Variants in KDM5D observed in about 807,000 individuals in gnomAD.
KDM5D encodes the protein lysine-specific demethylase 5D.
In KDM5D, 25 loss-of-function variants were observed where a neutral mutation model predicts 31.9. The observed-to-expected ratio is 0.78, with a 90% confidence interval of 0.57 to 1.09. The LOEUF (loss-of-function observed/expected upper bound fraction) is 1.09. Among genes scored for constraint, KDM5D ranks in the 50% least tolerant of loss-of-function variants. KDM5D has a pLI of 0.00. For missense variants in KDM5D, 366 were observed against 341.6 expected (o/e 1.07, Z -0.56); for synonymous variants, 146 against 122.3 (o/e 1.19, Z -1.28).
chrY:19,726,306 A>G, intron 11 of KDM5D, among the ~76,000 whole-genome samples: 1 of 34,009 alleles, frequency 2.9e-5, no homozygotes, highest in South Asian at 6.6e-4. Context: ...CCAAATGTCC[A>G]TCAATGATAG....
At chrY:19,734,883 T>TATA (rs2045497155) in intron 8 of KDM5D, among the ~76,000 whole-genome samples, 1 of 32,312 alleles carries the variant, frequency 3.1e-5, no homozygotes, top group Non-Finnish European at 7.6e-5. Flanking sequence ...TGTAAGACAT[T>TATA]ATAAAAATCT....
In KDM5D at chrY:19,706,165, G is replaced by A; in HGVS notation, c.4450C>T (p.Gln1484Ter). 1 of 395,826 alleles carries A rather than the reference G, an allele frequency of 2.5e-6. No homozygotes were observed. Among genetic ancestry groups the A allele is most frequent in the Non-Finnish European group, 3.5e-6 (1 of 282,023 alleles). Residue 1484 changes from glutamine to a stop codon, truncating the protein, a stop_gained, in exon 27 of 27, where the codon CAG (glutamine) becomes TAG (stop). Coordinates refer to ENST00000317961, the MANE Select transcript of KDM5D (RefSeq NM_004653.5). LOFTEE classifies it high-confidence loss of function. ...ATATTTTCACGGTCTGCTTTCTCCT[G>A]ATAATGTTCTTCTTCTCGGCCCACC... is the stretch of plus-strand genomic sequence containing the variant. Reference protein sequence around the residue: ...SQVGREEEHYQEKADRENMFL... With the variant: ...SQVGREEEHY
chrY:19,743,903 C>T, intron 2 of KDM5D, among the ~76,000 whole-genome samples: 1 of 33,516 alleles, frequency 3.0e-5, no homozygotes, highest in Non-Finnish European at 7.4e-5. Flanking sequence ...AAATGGTCTA[C>T]GTTTAATAAT....
chrY:19,741,301 A>T lies in KDM5D; in HGVS notation c.522+17T>A, dbSNP rs1480975040. 2.6e-6 allele frequency: 1 copy of T among 384,322 alleles called. No homozygotes were observed. Among genetic ancestry groups the T allele is most frequent in the Non-Finnish European group, 3.7e-6 (1 of 272,108 alleles). Reference sequence around the variant, plus strand: ...ACAAAATCACATCAGGCCACAAACCAGTTTAAGGGCCCTCACCACATGGTT... The same window carrying T: ...ACAAAATCACATCAGGCCACAAACCTGTTTAAGGGCCCTCACCACATGGTT... On this transcript the variant is annotated intron_variant, in intron 5 of 26. Transcript: ENST00000317961.
In KDM5D at chrY:19,707,517, G is replaced by A; in HGVS notation, c.3629C>T (p.Pro1210Leu). Residue 1210 changes from proline (P) to leucine (L), a missense_variant, in exon 24 of 27, where the codon CCA (proline) becomes CTA (leucine). Physicochemically the swap from Pro to Leu is moderately conservative, Grantham distance 98. Transcript: ENST00000317961. Reference sequence around the variant, plus strand: ...TGGAGATGAAGTGAGACTGGGCTTTGGAGAGGTGAGGAGATGGGGCACTGA... The same window carrying A: ...TGGAGATGAAGTGAGACTGGGCTTTAGAGAGGTGAGGAGATGGGGCACTGA... ...CVSVPHLLTS[P>L]KPSLTSSPLL... The A allele has an allele frequency of 2.5e-6, 1 of 392,399 alleles. No individual in the cohort carries two copies. Among genetic ancestry groups the A allele is most frequent in the Non-Finnish European group, 3.6e-6 (1 of 280,061 alleles).
In KDM5D at chrY:19,704,882, T is replaced by C; in HGVS notation, c.*1113A>G. The C allele has an allele frequency of 3.0e-5, 1 of 33,764 alleles. No individual in the cohort carries two copies. Among genetic ancestry groups the C allele is most frequent in the Non-Finnish European group, 7.4e-5 (1 of 13,598 alleles). The allele number at this position is 33,764 out of a possible 400,897, so 8.4% of individuals were successfully genotyped here. On this transcript the variant is annotated 3_prime_UTR_variant, in exon 27 of 27. Coordinates refer to ENST00000317961, the MANE Select transcript of KDM5D (RefSeq NM_004653.5). ...TTAGATTAGCTATTGTATTCACCAGTTGAAAGAACAGAAAATATTGAGGGA... is the reference window on the plus strand; with the variant it reads ...TTAGATTAGCTATTGTATTCACCAGCTGAAAGAACAGAAAATATTGAGGGA...
At chrY:19,735,264 A>G in intron 8 of KDM5D, 88 bp downstream of exon 8, 1 of 286,293 alleles carries the variant, frequency 3.5e-6, no homozygotes, top group Non-Finnish European at 5.4e-6. Context: ...AAGAAGGAAG[A>G]AAAAAAGAAA....
intron 6 of KDM5D, among the ~76,000 whole-genome samples, chrY:19,737,767 A>C: frequency 3.0e-5 from 1 of 33,289 alleles, no homozygotes; most frequent in Admixed American, 2.7e-4. Context: ...CAGAATTTGT[A>C]ACTTTTTTTT....
intron 3 of KDM5D, 114 bp downstream of exon 3, chrY:19,743,048 G>C: frequency 5.7e-6 from 1 of 176,751 alleles, no homozygotes; most frequent in Non-Finnish European, 1.0e-5. Flanking sequence ...GGTGGAGTTC[G>C]GGTTCAAATT....
In KDM5D at chrY:19,743,165, C is replaced by T. The variant is rs766183555; in HGVS notation, c.225G>A (p.Leu75=). Residue 75 remains leucine (L), a synonymous_variant, in exon 3 of 27, where the codon CTG becomes CTA. Coordinates refer to ENST00000317961, the MANE Select transcript of KDM5D (RefSeq NM_004653.5). ...AAAGTGTGCCTCCCAATCTTACCTCCAGTTCATTTAGCCTTTGGACGCGAG... is the reference window on the plus strand; with the variant it reads ...AAAGTGTGCCTCCCAATCTTACCTCTAGTTCATTTAGCCTTTGGACGCGAG... ...FTPRVQRLNE[L]EAQTRVKLNY... is the part of the protein sequence containing the mutation. The T allele has an allele frequency of 1.8e-5, 7 of 379,149 alleles. No individual in the cohort carries two copies. The highest frequency in any genetic ancestry group is 2.6e-5 in the Non-Finnish European group (7 of 268,542). 94.6% of individuals were successfully genotyped at this position (379,149 alleles called of 400,897 possible).
Position 19,721,177 on chromosome Y carries a change from A to T in KDM5D, c.1506T>A (p.Cys502Ter). The change falls in exon 12 of 27, where the codon TGT becomes TGA. Residue 502 changes from cysteine (C) to a stop codon, truncating the protein, a stop_gained. Coordinates refer to ENST00000317961, the MANE Select transcript of KDM5D (RefSeq NM_004653.5). LOFTEE classifies it high-confidence loss of function. ...LYVGMVFSAF[C>*]WHIEDHWSYS... ...AACTCCAGTGATCCTCAATATGCCA[A>T]CAAAATGCTGAGAAAACCATGCCCA... 2.5e-6 allele frequency: 1 copy of T among 398,938 alleles called. No homozygotes were observed. Among genetic ancestry groups the T allele is most frequent in the Non-Finnish European group, 3.5e-6 (1 of 283,501 alleles).
intron 8 of KDM5D, among the ~76,000 whole-genome samples, chrY:19,734,840 CT>C (rs774991835): frequency 1.0e-4 from 3 of 28,980 alleles, no homozygotes; most frequent in African/African-American, 2.6e-4. Context: ...GAATTTTTGT[CT>C]TTTTTTTTTT....
chrY:19,741,246 G>A, intron 5 of KDM5D, 72 bp downstream of exon 5: 1 of 272,580 alleles, frequency 3.7e-6, no homozygotes, highest in African/African-American at 7.5e-5. Context: ...CAAGAGAAAA[G>A]TCCAATCCAA....
chrY:19,735,433 T>G lies in KDM5D; in HGVS notation c.852A>C (p.Thr284=). 5.1e-6 allele frequency: 2 copies of G among 395,775 alleles called. No individual in the cohort carries two copies. The highest frequency in any genetic ancestry group is 1.3e-4 in the African/African-American group (2 of 15,550). ...CTAGGCTCAAGTGCTGCTTGAGCAA[T>G]GTTGATGACACGTTCCCACCTCCAC... ...EQSGGGNVSS[T]LLKQHLSLEP... Residue 284 remains threonine (T), a synonymous_variant, in exon 8 of 27, where the codon ACA becomes ACC. Transcript: ENST00000317961.
chrY:19,743,600 C>A (rs2045574643), intron 2 of KDM5D, among the ~76,000 whole-genome samples: 1 of 32,807 alleles, frequency 3.0e-5, no homozygotes, highest in African/African-American at 1.2e-4. Flanking sequence ...AAATGTAATG[C>A]AGATAAAAAA....
At position 19,706,293 on chromosome Y, in the gene KDM5D, C is replaced by T; in HGVS notation, c.4322G>A (p.Arg1441Lys). ...ATCCACCTTCTGCCGCCGCCGTCGC[C>T]TCTCCAGAGCCCGGCTCCTTGTCCG... ...GSRTRSRALE[R>K]RRRRQKVDQG... The change falls in exon 27 of 27, where the codon AGG becomes AAG. Residue 1441 changes from arginine to lysine, a missense_variant. Transcript: ENST00000317961. 2.5e-6 allele frequency: 1 copy of T among 395,894 alleles called. No homozygotes were observed. Among genetic ancestry groups the T allele is most frequent in the Non-Finnish European group, 3.5e-6 (1 of 282,167 alleles).
chrY:19,741,275 A>G, intron 5 of KDM5D, 43 bp downstream of exon 5: 1 of 353,781 alleles, frequency 2.8e-6, no homozygotes. Context: ...TACAAAAGAA[A>G]ACAAAATCAC....
At chrY:19,740,888 G>A in intron 5 of KDM5D, among the ~76,000 whole-genome samples, 10 of 33,308 alleles carry the variant, frequency 3.0e-4, no homozygotes, top group Non-Finnish European at 5.2e-4. Flanking sequence ...GGAGGCTGAA[G>A]CAGAAGAATG....
intron 11 of KDM5D, among the ~76,000 whole-genome samples, chrY:19,731,373 C>T (rs755111996): frequency 6.1e-5 from 2 of 33,024 alleles, no homozygotes; most frequent in East Asian, 8.0e-4. Flanking sequence ...TCCGTATGTT[C>T]GACATGAACA....
Sources: gnomAD v4.1 joint callset for allele counts (sites outside exome capture counted in the v4.1 genomes callset) on GRCh38, gnomAD v4.1.1 for gene constraint, MANE v1.5 for transcripts, NCBI Gene and HGNC (gene_info 2026-07-23, HGNC 2026-07-21) for gene names.